MYRIP: variants seen among roughly 807,000 people sequenced by gnomAD.
MYRIP encodes the protein rab effector MyRIP.
MYRIP carries 49 observed loss-of-function variants against 98.0 expected under a neutral mutation model. The ratio of observed to expected loss-of-function variants is 0.50; its 90% CI spans 0.40 to 0.63. MYRIP has a LOEUF of 0.63. Ranked by LOEUF, MYRIP falls within the 30% of genes least tolerant of loss-of-function variation. The probability of loss-of-function intolerance (pLI) is 0.00; values close to 1 mark genes in which losing one functional copy is unlikely to be tolerated. For synonymous variants in MYRIP, 404 were observed against 409.5 expected, an observed-to-expected ratio of 0.99 and a Z score of 0.16; for missense variants, 1,004 against 1,058.2, an observed-to-expected ratio of 0.95 and a Z score of 0.71.
chr3:40,229,160 C>T (rs1952572163), intron 11 of MYRIP, among the ~76,000 whole-genome samples: 1 of 152,188 alleles, frequency 6.6e-6, no homozygotes, highest in South Asian at 2.1e-4. Flanking sequence ...AGGCTCAGCT[C>T]TCCCCTGGCA....
At chr3:39,928,754 C>T (rs59916903) in intron 2 of MYRIP, among the ~76,000 whole-genome samples, 5,649 of 151,980 alleles carry the variant, frequency 0.037, 199 homozygotes, top group South Asian at 0.13. Context: ...CTGAATGCTT[C>T]CCCCTTAAAA....
chr3:40,209,747 CCTAGA>C (rs1951871753), intron 10 of MYRIP, 102 bp from the exon 11 acceptor site: 8 of 1,462,416 alleles, frequency 5.5e-6, no homozygotes, highest in Non-Finnish European at 7.4e-6. Flanking sequence ...CTGTTACTTT[CCTAGA>C]CTATATGTTC....
intron 2 of MYRIP, among the ~76,000 whole-genome samples, chr3:39,997,898 A>G (rs879365354): frequency 1.3e-5 from 2 of 152,150 alleles, no homozygotes; most frequent in Non-Finnish European, 2.9e-5. Context: ...ATCAATAAAC[A>G]TAATCCAGCA....
chr3:40,077,577 C>T, intron 3 of MYRIP, among the ~76,000 whole-genome samples: 1 of 152,180 alleles, frequency 6.6e-6, no homozygotes, highest in Admixed American at 6.5e-5. Context: ...TTGGTGCATT[C>T]ACAAACCCTG....
chr3:40,087,935 G>GT (rs5848546), intron 3 of MYRIP, among the ~76,000 whole-genome samples: 64,380 of 151,960 alleles, frequency 0.42, 14,236 homozygotes, highest in Admixed American at 0.49. Flanking sequence ...CTACACCATT[G>GT]TCTTGTGTTT....
chr3:40,147,440 T>G (rs1242617421), intron 3 of MYRIP, among the ~76,000 whole-genome samples: 1 of 152,218 alleles, frequency 6.6e-6, no homozygotes, highest in Non-Finnish European at 1.5e-5. Flanking sequence ...GCACATGTCT[T>G]GACCGTGTGA....
chr3:40,127,715 T>A (rs1475845648), intron 3 of MYRIP, among the ~76,000 whole-genome samples: 1 of 151,872 alleles, frequency 6.6e-6, no homozygotes, highest in African/African-American at 2.4e-5. Flanking sequence ...ACTTGGCCAA[T>A]GTCAGCCTAT....
At chr3:39,941,406 T>A (rs556902941) in intron 2 of MYRIP, among the ~76,000 whole-genome samples, 1 of 151,918 alleles carries the variant, frequency 6.6e-6, no homozygotes, top group Non-Finnish European at 1.5e-5. Flanking sequence ...ACCTCCAACA[T>A]TGGGAATCAC....
At chr3:39,928,174 A>G (rs1575387288) in intron 2 of MYRIP, among the ~76,000 whole-genome samples, 1 of 152,182 alleles carries the variant, frequency 6.6e-6, no homozygotes, top group East Asian at 1.9e-4. Flanking sequence ...TATTAAAGAA[A>G]TTGAAAAATT....
chr3:39,942,696 G>A (rs1201535715), intron 2 of MYRIP, among the ~76,000 whole-genome samples: 1 of 152,022 alleles, frequency 6.6e-6, no homozygotes, highest in Admixed American at 6.6e-5. Flanking sequence ...TTTGAAATGT[G>A]TAATAGATTA....
chr3:40,168,448 AGT>A (rs1285683979), intron 7 of MYRIP, among the ~76,000 whole-genome samples: 33 of 152,248 alleles, frequency 2.2e-4, no homozygotes, highest in African/African-American at 7.7e-4. Flanking sequence ...ATTTTATAAC[AGT>A]GTTTATTAGC....
rs192968913 is a variant in MYRIP at position 40,213,399 on chromosome 3, C to T, written c.1905+3306C>T. Among the ~76,000 whole-genome samples, 3 of 152,316 alleles carry T rather than the reference C, an allele frequency of 2.0e-5. No homozygotes were observed. In the East Asian group the frequency reaches 5.8e-4, roughly 29 times the overall value. On this transcript the variant is annotated intron_variant, in intron 11 of 16. Transcript: ENST00000302541. ...AATAAGCTTCACTGTCATGAAATAA[C>T]ATCCATCTGCTGGTACTGAAGGAAC...
At chr3:40,027,947 G>A (rs912175934) in intron 2 of MYRIP, among the ~76,000 whole-genome samples, 3 of 152,012 alleles carry the variant, frequency 2.0e-5, no homozygotes, top group Admixed American at 2.0e-4. Context: ...GAATGGATGA[G>A]TCACCCTAGG....
chr3:40,135,600 A>T (rs1949746709), intron 3 of MYRIP, among the ~76,000 whole-genome samples: 1 of 152,226 alleles, frequency 6.6e-6, no homozygotes, highest in Non-Finnish European at 1.5e-5. Flanking sequence ...CCAAACTTGA[A>T]ATGAAGGAAA....
intron 1 of MYRIP, among the ~76,000 whole-genome samples, chr3:39,845,852 CAAAAA>C (rs3062461): frequency 2.1e-5 from 2 of 96,934 alleles, no homozygotes; most frequent in Non-Finnish European, 2.2e-5. Context: ...TTTCCCCTAC[CAAAAA>C]AAAAAAAAAA....
chr3:40,205,444 TGAAA>T (rs1199535671), intron 10 of MYRIP, among the ~76,000 whole-genome samples: 11 of 152,168 alleles, frequency 7.2e-5, no homozygotes, highest in Admixed American at 2.6e-4. Context: ...TAATGGGAAA[TGAAA>T]AGCACTGCTT....
chr3:39,974,520 A>T (rs1404902610), intron 2 of MYRIP, among the ~76,000 whole-genome samples: 3 of 152,194 alleles, frequency 2.0e-5, no homozygotes, highest in African/African-American at 4.8e-5. Context: ...CAATCAATAG[A>T]AAAAGAGGGA....
chr3:39,818,657 TG>T (rs569403150), intron 1 of MYRIP, among the ~76,000 whole-genome samples: 1 of 152,160 alleles, frequency 6.6e-6, no homozygotes, highest in Admixed American at 6.5e-5. Context: ...TCTTTAATTT[TG>T]GGGGGGTATT....
At chr3:39,816,777 A>C (rs1940932548) in intron 1 of MYRIP, among the ~76,000 whole-genome samples, 1 of 152,222 alleles carries the variant, frequency 6.6e-6, no homozygotes, top group Admixed American at 6.5e-5. Flanking sequence ...GAAGAAAGTA[A>C]AAATCACCTA....
Sources: allele counts gnomAD v4.1 joint callset (sites outside exome capture counted in the v4.1 genomes callset), GRCh38; gene constraint gnomAD v4.1.1; transcripts MANE v1.5; gene names NCBI Gene and HGNC (gene_info 2026-07-23, HGNC 2026-07-21).